The following SCNN1B variants were observed in gnomAD, a reference collection of about 807,000 sequenced individuals.
SCNN1B encodes epithelial sodium channel subunit beta.
In SCNN1B, 46 loss-of-function variants were observed where a neutral mutation model predicts 65.3. The observed-to-expected ratio is 0.70, with a 90% CI of 0.56 to 0.90. SCNN1B has a LOEUF of 0.90. SCNN1B is among the 40% of genes least tolerant of loss of function. SCNN1B has a pLI of 0.00. For synonymous variants in SCNN1B, 349 were observed against 330.6 expected, an observed-to-expected ratio of 1.06 and a Z score of -0.60; for missense variants, 751 against 830.5, an observed-to-expected ratio of 0.90 and a Z score of 1.18.
At chr16:23,313,752 T>C (rs771889226) in intron 1 of SCNN1B, among the ~76,000 whole-genome samples, 3 of 152,046 alleles carry the variant, frequency 2.0e-5, no homozygotes, top group Non-Finnish European at 4.4e-5. Context: ...GCTGGTACTA[T>C]AGGCACGCGC....
rs189428996 is a variant in SCNN1B at position 23,354,193 on chromosome 16, T to G, written c.586-1106T>G. On this transcript the variant is annotated intron_variant, in intron 3 of 12. Coordinates refer to ENST00000343070, the MANE Select transcript of SCNN1B (RefSeq NM_000336.3). Reference sequence around the variant, plus strand: ...AACCTCCTGGGCCTCAATTTCCTCATGATGATGGGGATAACAATGATACTT... The same window carrying G: ...AACCTCCTGGGCCTCAATTTCCTCAGGATGATGGGGATAACAATGATACTT... Among the ~76,000 whole-genome samples the G allele has an allele frequency of 5.3e-5, 8 of 152,298 alleles. 1 individual carries two copies. The East Asian group carries it at 5.8e-4, about 11-fold the overall frequency.
chr16:23,371,653 C>A lies in SCNN1B; in HGVS notation c.1045-123C>A. 3.9e-6 allele frequency: 4 copies of A among 1,019,424 alleles called. 1 individual carries two copies. The highest frequency in any genetic ancestry group is 4.6e-6 in the Non-Finnish European group (3 of 658,316). The allele number at this position is 1,019,424 out of a possible 1,614,324, so 63.1% of individuals were successfully genotyped here. On this transcript the variant is annotated intron_variant, in intron 6 of 12. Coordinates refer to ENST00000343070, the MANE Select transcript of SCNN1B (RefSeq NM_000336.3). ...GTGAGCCCTCTGGCGCCCCCTCTGG[C>A]GCCCCCCCTGGCACCTGCAGGGGTC...
At chr16:23,279,408 G>A (rs538206193) in intron 1 of SCNN1B, among the ~76,000 whole-genome samples, 2 of 151,454 alleles carry the variant, frequency 1.3e-5, no homozygotes, top group African/African-American at 2.4e-5. Flanking sequence ...GATCAGGGTT[G>A]CCATTTACTG....
chr16:23,327,067 T>C (rs1289487727), intron 1 of SCNN1B, among the ~76,000 whole-genome samples: 1 of 151,930 alleles, frequency 6.6e-6, no homozygotes, highest in Non-Finnish European at 1.5e-5. Flanking sequence ...CAGGCATGCA[T>C]CACTATGCTC....
intron 2 of SCNN1B, among the ~76,000 whole-genome samples, chr16:23,297,244 C>T (rs1020785337): frequency 3.3e-5 from 5 of 152,184 alleles, no homozygotes; most frequent in African/African-American, 4.8e-5. Context: ...CACTGTTGGA[C>T]TTAACATTTG....
At chr16:23,324,670 C>A (rs1369796319) in intron 1 of SCNN1B, among the ~76,000 whole-genome samples, 5 of 152,142 alleles carry the variant, frequency 3.3e-5, no homozygotes, top group Non-Finnish European at 5.9e-5. Context: ...AACCACCTCC[C>A]TTCTCCACCT....
rs144363793 is a variant in SCNN1B at position 23,292,825 on chromosome 16, C to T, written n.178+9021C>T. Among the ~76,000 whole-genome samples, 255 of 149,548 alleles carry T rather than the reference C, an allele frequency of 1.7e-3. 1 individual carries two copies. The highest frequency in any genetic ancestry group is 6.0e-3 in the African/African-American group (245 of 40,918). On this transcript the variant is annotated intron_variant and non_coding_transcript_variant, in intron 2 of 3. Coordinates refer to the SCNN1B transcript ENST00000569789. ...GGCCAGCAATTCTAATAGAGTGAGA[C>T]TTATAATGTTTGGGTGCAGTGGCTC...
chr16:23,305,852 C>T (rs1961206040), intron 1 of SCNN1B, among the ~76,000 whole-genome samples: 1 of 152,000 alleles, frequency 6.6e-6, no homozygotes, highest in South Asian at 2.1e-4. Flanking sequence ...ACAGTCCCTA[C>T]CTGGCCCACC....
chr16:23,291,742 ATTTT>A (rs10707900), intron 2 of SCNN1B, among the ~76,000 whole-genome samples: 1 of 131,508 alleles, frequency 7.6e-6, no homozygotes, highest in Non-Finnish European at 1.6e-5. Flanking sequence ...CACGCAGCTA[ATTTT>A]TTTTTTTTTT....
intron 1 of SCNN1B, among the ~76,000 whole-genome samples, chr16:23,305,566 ATATATATATAT>A (rs1961192129): frequency 2.1e-4 from 8 of 38,492 alleles, no homozygotes; most frequent in Admixed American, 5.7e-4. Context: ...ATATATATAT[ATATATATATAT>A]TATATATATA....
At chr16:23,301,089 C>T (rs1424621460), upstream of SCNN1B, among the ~76,000 whole-genome samples, 1 of 151,686 alleles carries the variant, frequency 6.6e-6, no homozygotes, top group African/African-American at 2.4e-5. Context: ...CCTGGCTGGG[C>T]ATGGTGGCTC....
rs563225832 is a variant in SCNN1B at position 23,380,197 on chromosome 16, AGCCCT to A, written c.1542+40_1542+44del. ...GAGTTTAGGAGTCTCCCAATACCCC[AGCCCT>A]GCCCTGCCCTGACCCCTGCACCCTG... On this transcript the variant is annotated intron_variant, in intron 12 of 12. Coordinates refer to ENST00000343070, the MANE Select transcript of SCNN1B (RefSeq NM_000336.3). The surrounding 1 kb of genome is among the most constrained non-coding windows in gnomAD (Gnocchi z 5.4). 79 of 1,593,202 alleles carry A rather than the reference AGCCCT, an allele frequency of 5.0e-5. No homozygotes were observed. The African/African-American group carries it at 9.1e-4, about 18-fold the overall frequency.
At chr16:23,370,702 A>G (rs1034026657) in intron 5 of SCNN1B, among the ~76,000 whole-genome samples, 1 of 152,234 alleles carries the variant, frequency 6.6e-6, no homozygotes, top group African/African-American at 2.4e-5. Flanking sequence ...TTTCTGGAGG[A>G]AGTGATGCTG....
intron 1 of SCNN1B, among the ~76,000 whole-genome samples, chr16:23,314,113 AG>A (rs1961401829): frequency 6.6e-6 from 1 of 152,038 alleles, no homozygotes; most frequent in Admixed American, 6.6e-5. Context: ...TCAACATCCC[AG>A]GCTGAAGCGA....
rs1250831962 is a variant in SCNN1B at position 23,348,638 on chromosome 16, G to A, written c.39G>A (p.Arg13=). The A allele has an allele frequency of 3.7e-6, 6 of 1,613,438 alleles. No homozygotes were observed. The highest frequency in any genetic ancestry group is 1.8e-4 in the Middle Eastern group (1 of 5,564). ...VKKYLLKGLH[R]LQKGPGYTYK... is the part of the protein sequence containing the mutation. ...AGTACCTGCTGAAGGGCCTGCATCG[G>A]CTGCAGAAGGGCCCCGGCTACACGT... The change falls in exon 2 of 13, where the codon CGG becomes CGA. Residue 13 remains arginine, a synonymous_variant. Coordinates refer to ENST00000343070, the MANE Select transcript of SCNN1B (RefSeq NM_000336.3). The surrounding 1 kb of genome is among the most constrained non-coding windows in gnomAD (Gnocchi z 4.5).
chr16:23,286,443 T>G (rs1473323873), intron 2 of SCNN1B, among the ~76,000 whole-genome samples: 1 of 152,248 alleles, frequency 6.6e-6, no homozygotes, highest in Non-Finnish European at 1.5e-5. Flanking sequence ...AGGATCTGGT[T>G]GTCACCACCT....
At chr16:23,360,201 A>AAATAAATAAAT (rs1962512905) in intron 4 of SCNN1B, among the ~76,000 whole-genome samples, 29 of 132,752 alleles carry the variant, frequency 2.2e-4, no homozygotes, top group Non-Finnish European at 3.0e-4. Context: ...CCATCTCAAA[A>AAATAAATAAAT]AAATAAATAA....
In SCNN1B at chr16:23,320,297, A is replaced by C. The variant is rs1473765197; in HGVS notation, c.-9+17860A>C. 4.6e-5 allele frequency among the ~76,000 whole-genome samples: 7 copies of C among 152,082 alleles called. No individual in the cohort carries two copies. The South Asian group carries it at 6.2e-4, about 14-fold the overall frequency. ...AGTTAAAACCCAGAGGCCTCGGGGG[A>C]AGACTGAGGATTTCCCTTTCTAACA... is the stretch of plus-strand genomic sequence containing the variant. On this transcript the variant is annotated intron_variant, in intron 1 of 12. Transcript: ENST00000343070.
At chr16:23,378,843 G>A in intron 11 of SCNN1B, 76 bp downstream of exon 11, 3 of 1,342,030 alleles carry the variant, frequency 2.2e-6, no homozygotes, top group Non-Finnish European at 1.1e-6. Flanking sequence ...TTGGACACAG[G>A]ACAGCTCCTC....
Sources: gnomAD v4.1 joint callset for allele counts (sites outside exome capture counted in the v4.1 genomes callset) on GRCh38, gnomAD v4.1.1 for gene constraint, Gnocchi (gnomAD v3.1) non-coding constraint, MANE v1.5 for transcripts, NCBI Gene and HGNC (gene_info 2026-07-23, HGNC 2026-07-21) for gene names.